ABCA13: variants seen among roughly 807,000 people sequenced by gnomAD.
ABCA13 encodes the protein ATP binding cassette subfamily A member 13.
In ABCA13, 476 loss-of-function variants were observed where a neutral mutation model predicts 478.7. The observed-to-expected ratio is 0.99, with a 90% CI of 0.92 to 1.07. The LOEUF (loss-of-function observed/expected upper bound fraction) is 1.07. ABCA13 is among the 50% of genes least tolerant of loss of function. The pLI is 0.00. For synonymous variants in ABCA13, 2,252 were observed against 2,158.9 expected (o/e 1.04, Z -1.20); for missense variants, 6,060 against 5,910.6 (o/e 1.03, Z -0.83).
chr7:48,454,033 C>G (rs1474934266), intron 42 of ABCA13, among the ~76,000 whole-genome samples: 1 of 152,150 alleles, frequency 6.6e-6, no homozygotes, highest in Admixed American at 6.6e-5. Flanking sequence ...GTTTGCTGCT[C>G]TCTATTAACT....
At chr7:48,451,023 A>G (rs528062164) in intron 42 of ABCA13, among the ~76,000 whole-genome samples, 1 of 124,630 alleles carries the variant, frequency 8.0e-6, no homozygotes, top group African/African-American at 3.2e-5. Context: ...TTGGAGATGG[A>G]GTCTCACTCT....
Position 48,273,628 on chromosome 7 carries a change from A to C in ABCA13, c.3962A>C (p.Glu1321Ala), listed in dbSNP as rs1378200187. 1 of 1,603,580 alleles carries C rather than the reference A, an allele frequency of 6.2e-7. No homozygotes were observed. The highest frequency in any genetic ancestry group is 2.2e-5 in the East Asian group (1 of 44,690). The change falls in exon 17 of 62, where the codon GAA (glutamate) becomes GCA (alanine). Residue 1321 changes from glutamate (E) to alanine (A), a missense_variant. Glu to Ala is a moderately radical substitution (Grantham distance 107). This residue lies in a region of ABCA13 where 4,423 missense variants were observed against 4,309.1 expected (regional missense o/e 1.03). Transcript: ENST00000435803. Reference protein sequence around the residue: ...NNLTNYGEKFENIITELREAI... With the variant: ...NNLTNYGEKFANIITELREAI... ...CTCACAAATTATGGAGAAAAATTTG[A>C]AAATATCATCACTGAGCTAAGAGAA...
chr7:48,352,779 G>A lies in ABCA13; in HGVS notation c.10688+292G>A, dbSNP rs569026743. On this transcript the variant is annotated intron_variant, in intron 31 of 61. Transcript: ENST00000435803. ...AATTTGATGAATAACATTCACAAGGGCTGTGCATGTCCAACAAAAGATTCC... is the reference window on the plus strand; with the variant it reads ...AATTTGATGAATAACATTCACAAGGACTGTGCATGTCCAACAAAAGATTCC... Among the ~76,000 whole-genome samples the A allele has an allele frequency of 2.6e-4, 40 of 152,018 alleles. 1 individual carries two copies. The highest frequency in any genetic ancestry group is 8.7e-4 in the African/African-American group (36 of 41,326).
intron 23 of ABCA13, among the ~76,000 whole-genome samples, chr7:48,302,232 C>CTA (rs1366162959): frequency 6.6e-6 from 1 of 152,172 alleles, no homozygotes; most frequent in African/African-American, 2.4e-5. Context: ...TCCTCTTCTC[C>CTA]TACTTGCACT....
chr7:48,231,186 T>C (rs1482210454), intron 7 of ABCA13, among the ~76,000 whole-genome samples: 1 of 147,842 alleles, frequency 6.8e-6, no homozygotes, highest in Non-Finnish European at 1.5e-5. Flanking sequence ...AAAAAAGGCA[T>C]AGTTCTTACT....
intron 53 of ABCA13, among the ~76,000 whole-genome samples, chr7:48,523,617 A>G (rs1320273995): frequency 6.6e-6 from 1 of 151,970 alleles, no homozygotes; most frequent in Non-Finnish European, 1.5e-5. Context: ...GGCATATTAT[A>G]GTTTATAGGG....
chr7:48,453,203 A>G (rs1346329507), intron 42 of ABCA13, among the ~76,000 whole-genome samples: 2 of 151,536 alleles, frequency 1.3e-5, no homozygotes, highest in South Asian at 2.1e-4. Flanking sequence ...TTATAAAAAC[A>G]CACTTTTAAC....
rs760843867 is a variant in ABCA13, at chr7:48,352,485, C to T, written c.10686C>T (p.Asp3562=). The T allele has an allele frequency of 2.5e-6, 4 of 1,598,530 alleles. No homozygotes were observed. The highest frequency in any genetic ancestry group is 2.2e-5 in the South Asian group (2 of 89,410). ...CCCCTTACCCCTGCCATACCAGCGA[C>T]CTGTGAGTAGCCTGGGGCAGGAGCC... is the stretch of plus-strand genomic sequence containing the variant. ...QAAPYPCHTS[D]LFLNNVGFFF... is the part of the protein sequence containing the mutation. The change falls in exon 31 of 62, where the codon GAC becomes GAT. Residue 3562 remains aspartate, a splice_region_variant and synonymous_variant. Transcript: ENST00000435803.
intron 24 of ABCA13, among the ~76,000 whole-genome samples, chr7:48,312,751 C>T (rs940457669): frequency 2.0e-5 from 3 of 152,166 alleles, no homozygotes; most frequent in Non-Finnish European, 2.9e-5. Flanking sequence ...TATTTTGAGC[C>T]TCTTCTCAAA....
At chr7:48,484,631 G>T (rs1257202116) in intron 47 of ABCA13, among the ~76,000 whole-genome samples, 2 of 152,200 alleles carry the variant, frequency 1.3e-5, no homozygotes, top group Non-Finnish European at 2.9e-5. Flanking sequence ...CTGGGGATTT[G>T]TGTGTTCTCC....
rs746388943 is a variant in ABCA13, at chr7:48,372,298, G to A, written c.10934G>A (p.Ser3645Asn). The A allele has an allele frequency of 2.5e-6, 4 of 1,613,838 alleles. No homozygotes were observed. The highest frequency in any genetic ancestry group is 1.6e-4 in the Middle Eastern group (1 of 6,084). ...AAAACAAGTGGCATCTTTGCACACA[G>A]CAATACCTTTATTGTTTTCCTCTTT... ...VLKTSGIFAH[S>N]NTFIVFLFLL... The change falls in exon 33 of 62, where the codon AGC becomes AAC. Residue 3645 changes from serine (S) to asparagine (N), a missense_variant. Transcript: ENST00000435803.
chr7:48,643,419 C>A, intron 60 of ABCA13, 26 bp downstream of exon 60: 2 of 1,533,468 alleles, frequency 1.3e-6, no homozygotes, highest in Non-Finnish European at 1.8e-6. Context: ...TGTATTATTT[C>A]TTTGTTTTCA....
chr7:48,593,586 ATACTT>A (rs1789982580), intron 57 of ABCA13, among the ~76,000 whole-genome samples: 1 of 152,094 alleles, frequency 6.6e-6, no homozygotes, highest in Non-Finnish European at 1.5e-5. Context: ...ATGTGGCTGT[ATACTT>A]AACTTTACTG....
chr7:48,283,696 G>A (rs1797352424), intron 19 of ABCA13, among the ~76,000 whole-genome samples: 1 of 152,274 alleles, frequency 6.6e-6, no homozygotes, highest in Non-Finnish European at 1.5e-5. Context: ...GGTCTGTAAG[G>A]CTGCCTCCTT....
At chr7:48,519,062 G>A (rs10239675) in intron 52 of ABCA13, among the ~76,000 whole-genome samples, 45,649 of 151,694 alleles carry the variant, frequency 0.3, 7,850 homozygotes, top group African/African-American at 0.47. Flanking sequence ...GGAATATGCA[G>A]TGTTTGGTTT....
chr7:48,589,820 A>T (rs1223048717), intron 57 of ABCA13, among the ~76,000 whole-genome samples: 1 of 152,212 alleles, frequency 6.6e-6, no homozygotes, highest in Non-Finnish European at 1.5e-5. Flanking sequence ...AATAGGTGTC[A>T]TCACAAGGCA....
chr7:48,444,988 T>C (rs770850492), intron 42 of ABCA13, among the ~76,000 whole-genome samples: 1 of 150,156 alleles, frequency 6.7e-6, no homozygotes, highest in Non-Finnish European at 1.5e-5. Context: ...CAAGTCTTTC[T>C]TTCTTTCTCT....
At chr7:48,297,844 G>A (rs1474833382) in intron 22 of ABCA13, among the ~76,000 whole-genome samples, 1 of 149,334 alleles carries the variant, frequency 6.7e-6, no homozygotes, top group Non-Finnish European at 1.5e-5. Flanking sequence ...GCGTGATCTC[G>A]GCTCACTGCA....
At chr7:48,636,282 A>G (rs963874313) in intron 59 of ABCA13, among the ~76,000 whole-genome samples, 2 of 152,228 alleles carry the variant, frequency 1.3e-5, no homozygotes, top group Non-Finnish European at 2.9e-5. Context: ...GCCGCCTCCC[A>G]TATAGGCATC....
Sources: gnomAD v4.1 joint callset for allele counts (sites outside exome capture counted in the v4.1 genomes callset) on GRCh38, gnomAD v4.1.1 for gene constraint, gnomAD v4.1.1 regional missense constraint, MANE v1.5 for transcripts, NCBI Gene and HGNC (gene_info 2026-07-23, HGNC 2026-07-21) for gene names.